STRBP: variants seen among roughly 807,000 people sequenced by gnomAD.
STRBP encodes the protein spermatid perinuclear RNA-binding protein.
STRBP carries 13 observed loss-of-function variants against 80.1 expected under a neutral mutation model. The observed-to-expected ratio is 0.16, with a 90% CI of 0.11 to 0.26. The LOEUF (loss-of-function observed/expected upper bound fraction) is 0.26, where lower values mean the gene tolerates loss of function less well. Ranked by LOEUF, STRBP falls within the 10% of genes least tolerant of loss-of-function variation. STRBP has a pLI of 1.00. For missense variants in STRBP, 485 were observed against 815.2 expected (o/e 0.59, Z 4.93); for synonymous variants, 284 against 291.2 (o/e 0.98, Z 0.25).
intron 6 of STRBP, among the ~76,000 whole-genome samples, chr9:123,166,685 C>A (rs2037773499): frequency 6.6e-6 from 1 of 152,026 alleles, no homozygotes; most frequent in Non-Finnish European, 1.5e-5. Flanking sequence ...ACCCAGGAGG[C>A]AGAGGTTGCA....
chr9:123,131,788 C>T (rs564699591), intron 17 of STRBP, among the ~76,000 whole-genome samples: 8 of 152,306 alleles, frequency 5.3e-5, no homozygotes, highest in Admixed American at 1.3e-4. Flanking sequence ...ACTCCTTGAG[C>T]AATTTACCTA....
intron 3 of STRBP, among the ~76,000 whole-genome samples, chr9:123,180,676 T>G (rs2038420116): frequency 6.6e-6 from 1 of 152,196 alleles, no homozygotes; most frequent in African/African-American, 2.4e-5. Flanking sequence ...ATGAATTTCA[T>G]GAAAATTTAA....
At chr9:123,140,194 G>A (rs2036530149) in intron 13 of STRBP, among the ~76,000 whole-genome samples, 1 of 152,168 alleles carries the variant, frequency 6.6e-6, no homozygotes, top group Non-Finnish European at 1.5e-5. Context: ...GGCCCAGAAA[G>A]GCAATCAAGA....
chr9:123,232,215 C>T lies in STRBP; in HGVS notation c.-165+4615G>A, dbSNP rs568087542. ...AAATTCCAGCTACTTGGGAGGCTGA[C>T]GCAGGAGAATCGCTTGAACCAGGAG... On this transcript the variant is annotated intron_variant, in intron 2 of 18. Coordinates refer to ENST00000348403, the MANE Select transcript of STRBP (RefSeq NM_018387.5). Among the ~76,000 whole-genome samples the T allele has an allele frequency of 7.9e-5, 12 of 152,034 alleles. No homozygotes were observed. The South Asian group carries it at 1.7e-3, about 21-fold the overall frequency.
intron 1 of STRBP, among the ~76,000 whole-genome samples, chr9:123,256,872 T>G (rs184271343): frequency 6.6e-6 from 1 of 150,924 alleles, no homozygotes; most frequent in Non-Finnish European, 1.5e-5. Flanking sequence ...GAAAACTCCA[T>G]GTAGACAGTG....
At chr9:123,197,217 C>T (rs538221230) in intron 2 of STRBP, among the ~76,000 whole-genome samples, 1 of 152,000 alleles carries the variant, frequency 6.6e-6, no homozygotes, top group East Asian at 1.9e-4. Context: ...AAATAGAGAG[C>T]AGAATGATGG....
intron 11 of STRBP, among the ~76,000 whole-genome samples, chr9:123,156,304 C>T (rs1211717784): frequency 1.3e-5 from 2 of 151,968 alleles, no homozygotes; most frequent in East Asian, 3.9e-4. Flanking sequence ...AATTTCTTCA[C>T]CACTAAGCAA....
chr9:123,184,917 T>C (rs1246676547), intron 2 of STRBP, among the ~76,000 whole-genome samples: 1 of 152,150 alleles, frequency 6.6e-6, no homozygotes, highest in Non-Finnish European at 1.5e-5. Context: ...CTGACTTCAT[T>C]ACCCCTGGAT....
intron 3 of STRBP, chr9:123,112,814 A>G (rs553428739): frequency 6.0e-6 from 1 of 167,136 alleles, no homozygotes; most frequent in African/African-American, 2.4e-5. Flanking sequence ...AAAGGAAGCA[A>G]TCTGCTCCAT....
At chr9:123,158,980 A>G in intron 9 of STRBP, 116 bp downstream of exon 9, 1 of 748,406 alleles carries the variant, frequency 1.3e-6, no homozygotes, top group South Asian at 2.0e-5. Context: ...AATTCCAAGC[A>G]AAAGAACTCC....
downstream of STRBP, among the ~76,000 whole-genome samples, chr9:123,119,095 G>T (rs1198423301): frequency 6.6e-6 from 1 of 152,128 alleles, no homozygotes; most frequent in Non-Finnish European, 1.5e-5. Context: ...CCCCCCAAAA[G>T]TATCAAAGCA....
intron 2 of STRBP, among the ~76,000 whole-genome samples, chr9:123,230,864 C>T (rs1323295730): frequency 6.6e-6 from 1 of 152,150 alleles, no homozygotes; most frequent in African/African-American, 2.4e-5. Flanking sequence ...AGCGTACACA[C>T]TTTTTTAAAT....
rs796797215 is a variant in STRBP, at chr9:123,156,701, ATAT to A, written c.1045+1308_1045+1310del. Among the ~76,000 whole-genome samples the A allele has an allele frequency of 3.2e-4, 48 of 151,738 alleles. No individual in the cohort carries two copies. In the Middle Eastern group the frequency reaches 0.01, roughly 32 times the overall value. On this transcript the variant is annotated intron_variant, in intron 11 of 18. Coordinates refer to ENST00000348403, the MANE Select transcript of STRBP (RefSeq NM_018387.5). ...GCCAAAAAAAAAAAAAAACCCCTTA[ATAT>A]TATTATTACTATTCAACAGCTTTGA...
At chr9:123,157,192 T>C (rs932290176) in intron 11 of STRBP, among the ~76,000 whole-genome samples, 4 of 152,196 alleles carry the variant, frequency 2.6e-5, no homozygotes, top group Non-Finnish European at 4.4e-5. Flanking sequence ...CTAATACAAA[T>C]GGAAGATGGT....
At chr9:123,231,312 T>C (rs1241291201) in intron 2 of STRBP, among the ~76,000 whole-genome samples, 1 of 152,216 alleles carries the variant, frequency 6.6e-6, no homozygotes, top group South Asian at 2.1e-4. Context: ...ATCTGGAGGG[T>C]TGACTCCAAA....
intron 2 of STRBP, among the ~76,000 whole-genome samples, chr9:123,203,929 G>A (rs968109633): frequency 4.6e-5 from 7 of 151,978 alleles, no homozygotes; most frequent in Non-Finnish European, 1.0e-4. Context: ...CCAAGATCGC[G>A]CCACTGCACT....
At chr9:123,160,122 C>A (rs768939502) in intron 8 of STRBP, among the ~76,000 whole-genome samples, 1 of 152,202 alleles carries the variant, frequency 6.6e-6, no homozygotes, top group African/African-American at 2.4e-5. Flanking sequence ...AGGTATAAAA[C>A]CTTTTTGTCA....
intron 17 of STRBP, among the ~76,000 whole-genome samples, chr9:123,130,658 G>T (rs1161494868): frequency 6.6e-6 from 1 of 152,020 alleles, no homozygotes; most frequent in Admixed American, 6.6e-5. Context: ...ACTGAATAAG[G>T]CTAAAATTAT....
intron 1 of STRBP, among the ~76,000 whole-genome samples, chr9:123,262,302 C>CA (rs2041175793): frequency 6.6e-6 from 1 of 151,948 alleles, no homozygotes; most frequent in Non-Finnish European, 1.5e-5. Flanking sequence ...AAAATAGAGA[C>CA]AGAGCCCTTT....
Sources: allele counts gnomAD v4.1 joint callset (sites outside exome capture counted in the v4.1 genomes callset), GRCh38; gene constraint gnomAD v4.1.1; transcripts MANE v1.5; gene names NCBI Gene and HGNC (gene_info 2026-07-23, HGNC 2026-07-21).